Variants in RALB observed in about 807,000 individuals in gnomAD.
RALB encodes the protein RAS like proto-oncogene B.
Under a neutral mutation model 21.3 loss-of-function variants are expected in RALB, and 16 were observed. The ratio of observed to expected loss-of-function variants is 0.75; its 90% CI spans 0.51 to 1.14. The LOEUF is 1.14. Among genes scored for constraint, RALB ranks in the 50% most tolerant of loss-of-function variants. RALB has a pLI of 0.00. For missense variants in RALB, 161 were observed against 256.2 expected, an observed-to-expected ratio of 0.63 and a Z score of 2.54; for synonymous variants, 93 against 96.1, an observed-to-expected ratio of 0.97 and a Z score of 0.19.
chr2:120,252,810 A>AG (rs1689085788), upstream of RALB: 6 of 985,354 alleles, frequency 6.1e-6, no homozygotes, highest in Non-Finnish European at 7.2e-6. Context: ...TCTCGAGAGG[A>AG]GGGGTTGCCT....
chr2:120,258,311 T>C (rs926367473), intron 1 of RALB, among the ~76,000 whole-genome samples: 1 of 152,196 alleles, frequency 6.6e-6, no homozygotes, highest in Non-Finnish European at 1.5e-5. Flanking sequence ...TGAAGGTCTT[T>C]CTCGAGTTTC....
intron 4 of RALB, among the ~76,000 whole-genome samples, chr2:120,291,051 G>A (rs1690292988): frequency 6.6e-6 from 1 of 152,144 alleles, no homozygotes. Context: ...ACCTGACAAG[G>A]GAGAGATTTT....
intron 1 of RALB, among the ~76,000 whole-genome samples, chr2:120,274,071 G>GA (rs1286963423): frequency 7.2e-5 from 11 of 152,122 alleles, no homozygotes; most frequent in Non-Finnish European, 1.6e-4. Flanking sequence ...CCCCAACCTG[G>GA]AAAAATATCC....
At chr2:120,252,368 A>C (rs1170225592), upstream of RALB, among the ~76,000 whole-genome samples, 1 of 152,190 alleles carries the variant, frequency 6.6e-6, no homozygotes, top group African/African-American at 2.4e-5. Flanking sequence ...CGGCAGGTGG[A>C]GTCCCGCCCC....
chr2:120,263,065 A>C (rs7588151), intron 1 of RALB, among the ~76,000 whole-genome samples: 105,699 of 152,190 alleles, frequency 0.69, 37,307 homozygotes, highest in Middle Eastern at 0.8. Context: ...AGCAAAAAGT[A>C]TCTTGCCTTA....
At chr2:120,275,195 G>T (rs780091066) in intron 1 of RALB, among the ~76,000 whole-genome samples, 5 of 152,228 alleles carry the variant, frequency 3.3e-5, no homozygotes, top group Non-Finnish European at 7.3e-5. Flanking sequence ...TGACTTCTCA[G>T]TTCCCAATTG....
At chr2:120,274,973 C>G (rs778825467) in intron 1 of RALB, among the ~76,000 whole-genome samples, 28 of 152,146 alleles carry the variant, frequency 1.8e-4, no homozygotes, top group Non-Finnish European at 3.7e-4. Context: ...CACTCATTGC[C>G]CCTTGTTCCC....
chr2:120,267,801 A>T lies in RALB; in HGVS notation c.-47-10817A>T, dbSNP rs557720154. On this transcript the variant is annotated intron_variant, in intron 1 of 4. Transcript: ENST00000272519. ...AGTAACTAAATGAATATATATATAT[A>T]TTTTTTTCCAGATGGAGTCTCGCTG... Among the ~76,000 whole-genome samples, 238 of 152,000 alleles carry T rather than the reference A, an allele frequency of 1.6e-3. 2 individuals carry two copies. The highest frequency in any genetic ancestry group is 5.2e-3 in the East Asian group (27 of 5,178).
At chr2:120,280,988 T>C (rs953153619) in intron 2 of RALB, 30 of 338,496 alleles carry the variant, frequency 8.9e-5, no homozygotes, top group South Asian at 6.6e-4. Flanking sequence ...ATTAGTTTTT[T>C]TTATTACTGT....
In RALB at chr2:120,258,593, C is replaced by A. The variant is rs1689257168; in HGVS notation, c.-48+5613C>A. On this transcript the variant is annotated intron_variant, in intron 1 of 4. Coordinates refer to ENST00000272519, the MANE Select transcript of RALB (RefSeq NM_002881.3). Reference sequence around the variant, plus strand: ...CCCATTGGAAGGGCTGTGTGGAGAACAGATTGAAGAGGGGCTGGAGTGGTA... The same window carrying A: ...CCCATTGGAAGGGCTGTGTGGAGAAAAGATTGAAGAGGGGCTGGAGTGGTA... 1.3e-5 allele frequency among the ~76,000 whole-genome samples: 2 copies of A among 152,256 alleles called. 1 individual carries two copies. The highest frequency in any genetic ancestry group is 2.9e-5 in the Non-Finnish European group (2 of 68,018).
Position 120,278,620 on chromosome 2 carries a change from C to T in RALB, c.-45C>T. ...GTCTTTGTCTTTGTCATCAGCAGCT[C>T]TTCAGTGGGTCATCTGTGTGTCACA... is the stretch of plus-strand genomic sequence containing the variant. On this transcript the variant is annotated splice_region_variant and 5_prime_UTR_variant, in exon 2 of 5. Transcript: ENST00000272519. The T allele has an allele frequency of 6.6e-7, 1 of 1,514,628 alleles. No homozygotes were observed. Among genetic ancestry groups the T allele is most frequent in the Non-Finnish European group, 8.9e-7 (1 of 1,129,738 alleles). 93.8% of individuals were successfully genotyped at this position (1,514,628 alleles called of 1,614,324 possible).
At chr2:120,252,831 G>A, upstream of RALB, 3 of 985,674 alleles carry the variant, frequency 3.0e-6, no homozygotes, top group Non-Finnish European at 3.6e-6. Flanking sequence ...AGGCGACGCC[G>A]GAGGCGCGCT....
upstream of RALB, among the ~76,000 whole-genome samples, chr2:120,248,583 C>T (rs1689008188): frequency 6.6e-6 from 1 of 152,084 alleles, no homozygotes; most frequent in South Asian, 2.1e-4. Context: ...TGCGTGGACC[C>T]CCGGAACAGC....
upstream of RALB, among the ~76,000 whole-genome samples, chr2:120,250,231 T>C (rs2104571351): frequency 6.6e-6 from 1 of 152,352 alleles, no homozygotes; most frequent in Middle Eastern, 3.4e-3. Flanking sequence ...CACATCGTAG[T>C]GTCTTCAAAC....
intron 1 of RALB, among the ~76,000 whole-genome samples, chr2:120,263,989 C>T (rs1441613236): frequency 6.6e-6 from 1 of 151,480 alleles, no homozygotes; most frequent in Non-Finnish European, 1.5e-5. Flanking sequence ...GCTGGGATTA[C>T]AGATGCACGC....
chr2:120,277,689 AAGTGT>A (rs1689852374), intron 1 of RALB, among the ~76,000 whole-genome samples: 1 of 88,354 alleles, frequency 1.1e-5, no homozygotes, highest in South Asian at 3.0e-4. Flanking sequence ...TTATGAGTGA[AAGTGT>A]GTATGTGGGT....
chr2:120,261,629 C>T (rs1689368385), intron 1 of RALB, among the ~76,000 whole-genome samples: 1 of 152,146 alleles, frequency 6.6e-6, no homozygotes, highest in African/African-American at 2.4e-5. Context: ...CCCTCGACAG[C>T]AGCATTTGCA....
chr2:120,279,289 G>C (rs906957158), intron 2 of RALB, among the ~76,000 whole-genome samples: 2 of 152,090 alleles, frequency 1.3e-5, no homozygotes, highest in African/African-American at 4.8e-5. Context: ...AACATCACTG[G>C]TGTTGAGTTC....
At chr2:120,256,651 A>G (rs566443628) in intron 1 of RALB, among the ~76,000 whole-genome samples, 6 of 152,190 alleles carry the variant, frequency 3.9e-5, no homozygotes, top group Admixed American at 1.3e-4. Flanking sequence ...GCCCTGCGGA[A>G]CTGTGAGTCA....
Sources: allele counts gnomAD v4.1 joint callset (sites outside exome capture counted in the v4.1 genomes callset), GRCh38; gene constraint gnomAD v4.1.1; transcripts MANE v1.5; gene names NCBI Gene and HGNC (gene_info 2026-07-23, HGNC 2026-07-21).